The following RYR2 variants were observed in gnomAD, a reference collection of about 807,000 sequenced individuals.
RYR2 encodes cardiac muscle ryanodine receptor-calcium release channel.
Under a neutral mutation model 601.1 loss-of-function variants are expected in RYR2, and 227 were observed. That is an observed-to-expected ratio of 0.38 (90% CI 0.34 to 0.42). The LOEUF is 0.42. Ranked by LOEUF, RYR2 falls within the 10% of genes least tolerant of loss-of-function variation. The pLI is 1.00. For synonymous variants in RYR2, 2,223 were observed against 2,175.1 expected (o/e 1.02, Z -0.61); for missense variants, 4,646 against 6,156.5 (o/e 0.75, Z 8.21).
chr1:237,229,526 A>G (rs1684744125), intron 1 of RYR2, among the ~76,000 whole-genome samples: 1 of 152,116 alleles, frequency 6.6e-6, no homozygotes, highest in African/African-American at 2.4e-5. Context: ...CTGTTGGTAC[A>G]TTGAATTCAT....
intron 48 of RYR2, among the ~76,000 whole-genome samples, chr1:237,644,471 A>G (rs1013011664): frequency 4.6e-5 from 7 of 152,024 alleles, no homozygotes; most frequent in African/African-American, 1.7e-4. Flanking sequence ...TGACCTCACG[A>G]TCCGCCTGCC....
chr1:237,201,226 C>T (rs779195401), intron 1 of RYR2, among the ~76,000 whole-genome samples: 18 of 152,342 alleles, frequency 1.2e-4, no homozygotes, highest in Non-Finnish European at 2.2e-4. Flanking sequence ...AAGAAATCAA[C>T]GTCACCTGAT....
chr1:237,829,046 G>C (rs114577930), intron 102 of RYR2, among the ~76,000 whole-genome samples: 201 of 152,236 alleles, frequency 1.3e-3, no homozygotes, highest in African/African-American at 4.8e-3. Flanking sequence ...TGATGTGCAG[G>C]TTTTTTTCTT....
intron 97 of RYR2, 63 bp from the exon 98 acceptor site, chr1:237,801,793 C>A: frequency 9.4e-7 from 1 of 1,063,504 alleles, no homozygotes. Context: ...GTCAGGCTCT[C>A]GCAAGCCTAT....
intron 88 of RYR2, among the ~76,000 whole-genome samples, chr1:237,780,427 G>T (rs911321276): frequency 1.3e-5 from 2 of 152,130 alleles, no homozygotes; most frequent in Non-Finnish European, 2.9e-5. Context: ...GGTTTATAAA[G>T]TTTCCATAAC....
chr1:237,589,480 C>T (rs889484670), intron 29 of RYR2, among the ~76,000 whole-genome samples: 23 of 152,068 alleles, frequency 1.5e-4, no homozygotes, highest in Non-Finnish European at 3.1e-4. Context: ...GACTGCAGGG[C>T]GGGGATCTCT....
chr1:237,433,924 A>C (rs1252983527), intron 12 of RYR2, among the ~76,000 whole-genome samples: 1 of 152,240 alleles, frequency 6.6e-6, no homozygotes, highest in Non-Finnish European at 1.5e-5. Context: ...TTGAGTATGC[A>C]ATAGTGAACT....
intron 88 of RYR2, among the ~76,000 whole-genome samples, chr1:237,779,902 G>GAA (rs1694959528): frequency 6.6e-6 from 1 of 152,182 alleles, no homozygotes; most frequent in Non-Finnish European, 1.5e-5. Context: ...TCAGAGGAGT[G>GAA]AAAAGTTACA....
At chr1:237,394,855 C>T (rs1410484636) in intron 10 of RYR2, among the ~76,000 whole-genome samples, 2 of 152,160 alleles carry the variant, frequency 1.3e-5, no homozygotes, top group Non-Finnish European at 2.9e-5. Flanking sequence ...AACTGGCTCA[C>T]ACTTCTGCAG....
At chr1:237,216,720 G>A (rs12402740) in intron 1 of RYR2, among the ~76,000 whole-genome samples, 31,082 of 149,492 alleles carry the variant, frequency 0.21, 3,520 homozygotes, top group East Asian at 0.3. Context: ...TGGGCGACAC[G>A]GTAAGACTCC....
chr1:237,657,998 C>A lies in RYR2; in HGVS notation c.8184C>A (p.Ser2728=). Residue 2728 remains serine, a synonymous_variant, in exon 54 of 105, where the codon TCC becomes TCA. Transcript: ENST00000366574. ...EYFINKYAEH[S]HDKWSMDKLA... ...TCATTAACAAATATGCAGAACACTC[C>A]CATGACAAATGGTCAATGGACAAGG... is the stretch of plus-strand genomic sequence containing the variant. 1 of 1,507,748 alleles carries A rather than the reference C, an allele frequency of 6.6e-7. No homozygotes were observed. Among genetic ancestry groups the A allele is most frequent in the East Asian group, 2.6e-5 (1 of 37,902 alleles). The allele number at this position is 1,507,748 out of a possible 1,614,324, so 93.4% of individuals were successfully genotyped here.
At chr1:237,457,437 T>C (rs1658969964) in intron 16 of RYR2, among the ~76,000 whole-genome samples, 1 of 152,144 alleles carries the variant, frequency 6.6e-6, no homozygotes, top group Admixed American at 6.5e-5. Flanking sequence ...TCTGAGATTT[T>C]TACCCTATTT....
At position 237,784,966 on chromosome 1, in the gene RYR2, A is replaced by T. The variant is rs934659622; in HGVS notation, c.13254A>T (p.Lys4418Asn). 9.5e-6 allele frequency: 15 copies of T among 1,575,652 alleles called. No homozygotes were observed. The highest frequency in any genetic ancestry group is 1.3e-5 in the African/African-American group (1 of 74,086). Reference protein sequence around the residue: ...NPVPMPEVQEKFQEQKAKEEE... With the variant: ...NPVPMPEVQENFQEQKAKEEE... ...TCCCCATGCCTGAGGTGCAGGAAAAATTTCAGGTAATTTATCTCTAAGTCA... is the reference window on the plus strand; with the variant it reads ...TCCCCATGCCTGAGGTGCAGGAAAATTTTCAGGTAATTTATCTCTAAGTCA... The change falls in exon 90 of 105, where the codon AAA becomes AAT. Residue 4418 changes from lysine to asparagine, a missense_variant. Coordinates refer to ENST00000366574, the MANE Select transcript of RYR2 (RefSeq NM_001035.3). The surrounding 1 kb of genome is among the most constrained non-coding windows in gnomAD (Gnocchi z 7.1).
At chr1:237,686,195 T>C (rs1173543978) in intron 62 of RYR2, among the ~76,000 whole-genome samples, 1 of 152,168 alleles carries the variant, frequency 6.6e-6, no homozygotes, top group African/African-American at 2.4e-5. Flanking sequence ...TTAGCTGTTC[T>C]CGTTATTGGG....
chr1:237,827,627 CAAAAAAA>C lies in RYR2; in HGVS notation c.14591-737_14591-731del, dbSNP rs55896893. On this transcript the variant is annotated intron_variant, in intron 101 of 104. Coordinates refer to ENST00000366574, the MANE Select transcript of RYR2 (RefSeq NM_001035.3). ...CCTGGGTGACAGAGCAAGACTGTCT[CAAAAAAA>C]AAAAAAAAAAAAAAAATGACTTGAC... Among the ~76,000 whole-genome samples the C allele has an allele frequency of 6.3e-5, 5 of 79,444 alleles. 1 individual carries two copies. The highest frequency in any genetic ancestry group is 1.5e-4 in the African/African-American group (3 of 20,194). 52.1% of individuals were successfully genotyped at this position (79,444 alleles called of 152,430 possible).
rs188728490 is a variant in RYR2, at chr1:237,708,034, G to A, written c.9901+765G>A. Among the ~76,000 whole-genome samples the A allele has an allele frequency of 1.6e-3, 246 of 150,410 alleles. 5 individuals are homozygous for A. The East Asian group carries it at 0.033, about 20-fold the overall frequency. On this transcript the variant is annotated intron_variant, in intron 68 of 104. Transcript: ENST00000366574. ...TGACCTCAGGTGATCCACCCACCTC[G>A]GCCTCCCAAAGTGCTGGGATTACAG... is the stretch of plus-strand genomic sequence containing the variant.
chr1:237,542,742 G>A (rs913287332), intron 25 of RYR2, among the ~76,000 whole-genome samples: 1 of 152,176 alleles, frequency 6.6e-6, no homozygotes, highest in Non-Finnish European at 1.5e-5. Flanking sequence ...TTGGTGGAGG[G>A]AGAAGGAAGG....
chr1:237,676,392 C>G (rs1685399468), intron 60 of RYR2, among the ~76,000 whole-genome samples: 1 of 152,132 alleles, frequency 6.6e-6, no homozygotes, highest in African/African-American at 2.4e-5. Flanking sequence ...CAGGGTACAT[C>G]TACCCACTTG....
At chr1:237,416,340 A>G (rs1404770527) in intron 10 of RYR2, among the ~76,000 whole-genome samples, 2 of 152,210 alleles carry the variant, frequency 1.3e-5, no homozygotes, top group Admixed American at 6.5e-5. Context: ...CATGTGCATC[A>G]GCTTTGGTTT....
Sources: allele counts gnomAD v4.1 joint callset (sites outside exome capture counted in the v4.1 genomes callset), GRCh38; gene constraint gnomAD v4.1.1; non-coding constraint Gnocchi (gnomAD v3.1); transcripts MANE v1.5; gene names NCBI Gene and HGNC (gene_info 2026-07-23, HGNC 2026-07-21).